The following TCERG1L variants were observed in gnomAD, a reference collection of about 807,000 sequenced individuals.
The protein encoded by TCERG1L is transcription elongation regulator 1 like, also known as transcription elongation regulator 1-like protein.
TCERG1L carries 37 observed loss-of-function variants against 56.3 expected under a neutral mutation model. That is an observed-to-expected ratio of 0.66 (90% confidence interval 0.51 to 0.87). The LOEUF (loss-of-function observed/expected upper bound fraction) is 0.87. Among genes scored for constraint, TCERG1L ranks in the 40% least tolerant of loss-of-function variants. TCERG1L has a pLI of 0.00. For missense variants in TCERG1L, 799 were observed against 774.2 expected (o/e 1.03, Z -0.38); for synonymous variants, 324 against 326.3 (o/e 0.99, Z 0.08).
At chr10:131,301,537 G>GA (rs1486455058) in intron 3 of TCERG1L, among the ~76,000 whole-genome samples, 1 of 151,660 alleles carries the variant, frequency 6.6e-6, no homozygotes, top group African/African-American at 2.4e-5. Context: ...AAAATTAAAA[G>GA]AAAAAATGAA....
chr10:131,237,780 C>T (rs2133517381), intron 4 of TCERG1L, among the ~76,000 whole-genome samples: 1 of 152,284 alleles, frequency 6.6e-6, no homozygotes, highest in East Asian at 1.9e-4. Context: ...CGCTTCTCTC[C>T]TAAATATTTC....
chr10:131,128,346 C>A (rs1845583121), intron 8 of TCERG1L, among the ~76,000 whole-genome samples: 1 of 152,140 alleles, frequency 6.6e-6, no homozygotes, highest in African/African-American at 2.4e-5. Context: ...TGACTCCAAG[C>A]CACGAAACAG....
chr10:131,285,584 AAAAAT>A (rs1846530447), intron 3 of TCERG1L, among the ~76,000 whole-genome samples: 1 of 135,844 alleles, frequency 7.4e-6, no homozygotes, highest in South Asian at 2.1e-4. Context: ...AAGAAAGAAA[AAAAAT>A]GAGATGGCAG....
intron 9 of TCERG1L, among the ~76,000 whole-genome samples, chr10:131,109,134 C>A (rs1240642242): frequency 1.3e-5 from 2 of 152,202 alleles, no homozygotes; most frequent in African/African-American, 2.4e-5. Context: ...GAGACCAGGA[C>A]ACGCTGTTCC....
chr10:131,306,139 T>C (rs921695861), intron 3 of TCERG1L, among the ~76,000 whole-genome samples: 5 of 152,170 alleles, frequency 3.3e-5, no homozygotes, highest in African/African-American at 1.2e-4. Context: ...CTTGTCCCCG[T>C]TCTTATCCCA....
At chr10:131,210,913 T>C (rs937717627) in intron 4 of TCERG1L, among the ~76,000 whole-genome samples, 16 of 152,236 alleles carry the variant, frequency 1.1e-4, no homozygotes, top group African/African-American at 3.9e-4. Context: ...CATTACTTCA[T>C]GTCATCACTA....
rs145273281 is a variant in TCERG1L at position 131,093,387 on chromosome 10, C to T, written c.1605-69G>A. ...TCTGGCCTCCCCAGAGATCCTGCAG[C>T]GGCACCGCCTGAGCAAGCATCCAGC... On this transcript the variant is annotated intron_variant, in intron 11 of 11. Coordinates refer to ENST00000368642, the MANE Select transcript of TCERG1L (RefSeq NM_174937.4). 1.3e-3 allele frequency: 2,090 copies of T among 1,558,234 alleles called. 9 individuals carry two copies. Among genetic ancestry groups the T allele is most frequent in the Middle Eastern group, 6.6e-3 (38 of 5,738 alleles).
chr10:131,191,645 G>A lies in TCERG1L; in HGVS notation c.857-24760C>T, dbSNP rs60849407. The stretch of plus-strand genomic sequence containing the variant: ...GCAAAGGTGCTGGGAAGACTGGCAA[G>A]CCACATGTAGAAGAATGAAACTGGA... On this transcript the variant is annotated intron_variant, in intron 4 of 11. Transcript: ENST00000368642. 5.1e-3 allele frequency among the ~76,000 whole-genome samples: 728 copies of A among 142,210 alleles called. 109 individuals carry two copies. Among genetic ancestry groups the A allele is most frequent in the African/African-American group, 0.017 (643 of 37,608 alleles). 93.3% of individuals were successfully genotyped at this position (142,210 alleles called of 152,430 possible).
At chr10:131,211,524 T>C (rs959066877) in intron 4 of TCERG1L, among the ~76,000 whole-genome samples, 1 of 152,192 alleles carries the variant, frequency 6.6e-6, no homozygotes, top group Non-Finnish European at 1.5e-5. Context: ...CAGGATGCAG[T>C]GACTTCTCCA....
intron 8 of TCERG1L, among the ~76,000 whole-genome samples, chr10:131,127,128 A>C (rs901042737): frequency 6.6e-6 from 1 of 152,072 alleles, no homozygotes; most frequent in Admixed American, 6.5e-5. Context: ...AACAAAAACA[A>C]ACGGCAGGAA....
chr10:131,116,464 C>G (rs1302225611), intron 9 of TCERG1L, among the ~76,000 whole-genome samples: 1 of 152,166 alleles, frequency 6.6e-6, no homozygotes. Context: ...CTCACGCCCA[C>G]AGGAGAAACC....
chr10:131,193,816 A>C (rs571964044), intron 4 of TCERG1L, among the ~76,000 whole-genome samples: 1 of 152,284 alleles, frequency 6.6e-6, no homozygotes, highest in South Asian at 2.1e-4. Flanking sequence ...TGCTTTGTCT[A>C]TTTGGGCTCT....
At position 131,093,118 on chromosome 10, in the gene TCERG1L, A is replaced by G; in HGVS notation, c.*44T>C. On this transcript the variant is annotated 3_prime_UTR_variant, in exon 12 of 12. Coordinates refer to ENST00000368642, the MANE Select transcript of TCERG1L (RefSeq NM_174937.4). ...CCACCGTGACCCCCTCGCCCCCGGC[A>G]CGCCCAGGGTCAACCCCCGGGCTTA... is the stretch of plus-strand genomic sequence containing the variant. 6.3e-7 allele frequency: 1 copy of G among 1,588,322 alleles called. No homozygotes were observed. The highest frequency in any genetic ancestry group is 8.6e-7 in the Non-Finnish European group (1 of 1,166,128).
chr10:131,236,114 C>T (rs1845908981), intron 4 of TCERG1L, among the ~76,000 whole-genome samples: 1 of 152,170 alleles, frequency 6.6e-6, no homozygotes, highest in African/African-American at 2.4e-5. Flanking sequence ...ACGACTCTTG[C>T]ACTCCCATCT....
chr10:131,189,711 G>C (rs183598837), intron 4 of TCERG1L, among the ~76,000 whole-genome samples: 2 of 152,224 alleles, frequency 1.3e-5, no homozygotes, highest in Non-Finnish European at 2.9e-5. Flanking sequence ...GGGATTACTG[G>C]ATGGCATGAT....
intron 3 of TCERG1L, among the ~76,000 whole-genome samples, chr10:131,286,784 A>G (rs1392765522): frequency 6.6e-6 from 1 of 152,220 alleles, no homozygotes; most frequent in South Asian, 2.1e-4. Context: ...AATTATCTAT[A>G]AACTATACTC....
At chr10:131,157,589 A>G (rs12573169) in intron 6 of TCERG1L, among the ~76,000 whole-genome samples, 3,865 of 152,216 alleles carry the variant, frequency 0.025, 198 homozygotes, top group East Asian at 0.23. Context: ...AAGCCAAATT[A>G]CAAAAAAAAA....
chr10:131,179,216 G>A (rs1022053249), intron 4 of TCERG1L, among the ~76,000 whole-genome samples: 7 of 152,208 alleles, frequency 4.6e-5, no homozygotes, highest in African/African-American at 9.6e-5. Context: ...GCAGAGCAGC[G>A]GGGGCAGCCC....
intron 5 of TCERG1L, among the ~76,000 whole-genome samples, chr10:131,164,887 A>T (rs1205777110): frequency 6.6e-6 from 1 of 152,204 alleles, no homozygotes; most frequent in African/African-American, 2.4e-5. Flanking sequence ...CCAGCGCAAC[A>T]TCAGCCATGC....
Sources: gnomAD v4.1 joint callset for allele counts (sites outside exome capture counted in the v4.1 genomes callset) on GRCh38, gnomAD v4.1.1 for gene constraint, MANE v1.5 for transcripts, NCBI Gene and HGNC (gene_info 2026-07-23, HGNC 2026-07-21) for gene names.